Variants in NKAIN3 observed in about 807,000 individuals in gnomAD.
NKAIN3 encodes the protein sodium/potassium transporting ATPase interacting 3, also known as sodium/potassium-transporting ATPase subunit beta-1-interacting protein 3.
Under a neutral mutation model 30.2 loss-of-function variants are expected in NKAIN3, and 25 were observed. The ratio of observed to expected loss-of-function variants is 0.83; its 90% CI spans 0.60 to 1.16. The LOEUF (loss-of-function observed/expected upper bound fraction) is 1.16. Among genes scored for constraint, NKAIN3 ranks in the 50% most tolerant of loss-of-function variants. NKAIN3 has a pLI of 0.00. For missense variants in NKAIN3, 225 were observed against 254.1 expected, an observed-to-expected ratio of 0.89 and a Z score of 0.78; for synonymous variants, 91 against 89.6, an observed-to-expected ratio of 1.02 and a Z score of -0.09.
At chr8:62,570,110 G>A (rs1809885273) in intron 1 of NKAIN3, among the ~76,000 whole-genome samples, 1 of 152,210 alleles carries the variant, frequency 6.6e-6, no homozygotes, top group Admixed American at 6.5e-5. Context: ...TGGAATGAGA[G>A]TAAAAGGCAG....
At chr8:62,359,743 T>G (rs967313536) in intron 1 of NKAIN3, among the ~76,000 whole-genome samples, 5 of 152,180 alleles carry the variant, frequency 3.3e-5, no homozygotes, top group Non-Finnish European at 7.3e-5. Context: ...GGACAACACA[T>G]GTAGTTTATG....
At chr8:62,458,850 G>A (rs1185782674) in intron 1 of NKAIN3, among the ~76,000 whole-genome samples, 1 of 152,216 alleles carries the variant, frequency 6.6e-6, no homozygotes, top group East Asian at 1.9e-4. Context: ...GGTCCAAGGT[G>A]CCCCTTCTGG....
chr8:62,465,821 G>A (rs11994980), intron 1 of NKAIN3, among the ~76,000 whole-genome samples: 28,033 of 152,004 alleles, frequency 0.18, 2,698 homozygotes, highest in African/African-American at 0.22. Context: ...TCAGGAGTTC[G>A]AGACCAGCCT....
At chr8:62,485,426 AC>A (rs1806868427) in intron 1 of NKAIN3, among the ~76,000 whole-genome samples, 1 of 152,218 alleles carries the variant, frequency 6.6e-6, no homozygotes, top group Non-Finnish European at 1.5e-5. Context: ...TGTTAAAAAA[AC>A]ACCCATTTAT....
intron 1 of NKAIN3, among the ~76,000 whole-genome samples, chr8:62,456,498 G>A (rs1383275262): frequency 4.0e-5 from 6 of 151,008 alleles, no homozygotes; most frequent in African/African-American, 1.2e-4. Context: ...CAGCTTGGGC[G>A]ACAGAGCGAG....
Position 62,752,903 on chromosome 8 carries a change from A to G in NKAIN3, c.471+5774A>G, listed in dbSNP as rs188808850. On this transcript the variant is annotated intron_variant, in intron 4 of 6. Coordinates refer to ENST00000623646, the MANE Select transcript of NKAIN3 (RefSeq NM_001304533.3). ...TATAGAGAAAACATACTGTCAAATTATTTCTGATGCAGACGCAATTTGTTT... is the reference window on the plus strand; with the variant it reads ...TATAGAGAAAACATACTGTCAAATTGTTTCTGATGCAGACGCAATTTGTTT... Among the ~76,000 whole-genome samples the G allele has an allele frequency of 9.8e-5, 15 of 152,312 alleles. No homozygotes were observed. The East Asian group carries it at 2.7e-3, about 27-fold the overall frequency.
chr8:62,352,456 C>A (rs190102357), intron 1 of NKAIN3, among the ~76,000 whole-genome samples: 38 of 152,230 alleles, frequency 2.5e-4, no homozygotes, highest in African/African-American at 8.4e-4. Context: ...ATTTTCTTTG[C>A]CTCCTTGGGA....
intron 5 of NKAIN3, among the ~76,000 whole-genome samples, chr8:62,991,773 G>A (rs1188817111): frequency 6.6e-6 from 1 of 152,124 alleles, no homozygotes; most frequent in Non-Finnish European, 1.5e-5. Context: ...AATAAAAGAA[G>A]ACTGGATATC....
intron 6 of NKAIN3, among the ~76,000 whole-genome samples, chr8:62,961,145 G>A (rs963995302): frequency 3.9e-5 from 6 of 152,122 alleles, no homozygotes; most frequent in African/African-American, 1.4e-4. Context: ...GCCAGGAGTT[G>A]TAGTGCGTGA....
chr8:62,871,418 AC>A (rs1280392039), intron 4 of NKAIN3, among the ~76,000 whole-genome samples: 3 of 142,446 alleles, frequency 2.1e-5, no homozygotes, highest in East Asian at 2.0e-4. Context: ...AAAAAAAAAA[AC>A]AAAAACAAAC....
intron 1 of NKAIN3, among the ~76,000 whole-genome samples, chr8:62,400,292 C>A (rs1439454360): frequency 2.0e-5 from 3 of 151,268 alleles, no homozygotes; most frequent in African/African-American, 4.9e-5. Flanking sequence ...CAGCCACCCG[C>A]CCCCCAGTAG....
chr8:62,439,539 T>C (rs1008408075), intron 1 of NKAIN3, among the ~76,000 whole-genome samples: 1 of 152,214 alleles, frequency 6.6e-6, no homozygotes, highest in Non-Finnish European at 1.5e-5. Context: ...GCATTCATCC[T>C]GAGTAAAAAA....
chr8:62,578,857 A>G (rs1467296979), intron 1 of NKAIN3, among the ~76,000 whole-genome samples: 1 of 151,986 alleles, frequency 6.6e-6, no homozygotes, highest in African/African-American at 2.4e-5. Context: ...GAACTCATGG[A>G]GATAGAGAGT....
At chr8:62,948,006 A>G (rs1289585807) in intron 5 of NKAIN3, among the ~76,000 whole-genome samples, 1 of 152,226 alleles carries the variant, frequency 6.6e-6, no homozygotes, top group Non-Finnish European at 1.5e-5. Context: ...GGTGCTATAT[A>G]GCAATAGATA....
chr8:62,850,000 T>TC (rs1422454087), intron 4 of NKAIN3, among the ~76,000 whole-genome samples: 4 of 151,972 alleles, frequency 2.6e-5, no homozygotes, highest in Non-Finnish European at 5.9e-5. Flanking sequence ...AAATGGTTTT[T>TC]CTAGTTCTAG....
chr8:62,556,482 A>ATATATTGAT (rs1166548744), intron 1 of NKAIN3, among the ~76,000 whole-genome samples: 1 of 151,890 alleles, frequency 6.6e-6, no homozygotes, highest in Non-Finnish European at 1.5e-5. Flanking sequence ...AATATATCAC[A>ATATATTGAT]ACTCAATAAA....
chr8:62,728,989 C>CAAACAAAACAAAAAACA (rs1815358157), intron 3 of NKAIN3, among the ~76,000 whole-genome samples: 1 of 55,276 alleles, frequency 1.8e-5, no homozygotes, highest in African/African-American at 8.1e-5. Flanking sequence ...GACTCCGTCT[C>CAAACAAAACAAAAAACA]AAACAAAACA....
chr8:62,532,200 T>C (rs1808509910), intron 1 of NKAIN3, among the ~76,000 whole-genome samples: 1 of 152,124 alleles, frequency 6.6e-6, no homozygotes, highest in African/African-American at 2.4e-5. Context: ...CCGTTGAAAG[T>C]GTACCATGCC....
At chr8:62,903,344 G>A (rs1346185814) in intron 4 of NKAIN3, among the ~76,000 whole-genome samples, 1 of 152,132 alleles carries the variant, frequency 6.6e-6, no homozygotes, top group Non-Finnish European at 1.5e-5. Context: ...AACAGTAGGA[G>A]CAGCTTGATT....
Sources: allele counts gnomAD v4.1 joint callset (sites outside exome capture counted in the v4.1 genomes callset), GRCh38; gene constraint gnomAD v4.1.1; transcripts MANE v1.5; gene names NCBI Gene and HGNC (gene_info 2026-07-23, HGNC 2026-07-21).